Variants in PCDHB6 observed in about 807,000 individuals in gnomAD.
PCDHB6 encodes the protein protocadherin beta 6.
For missense variants in PCDHB6, 1,137 were observed against 1,010.1 expected (o/e 1.13, Z -1.70); for synonymous variants, 506 against 459.0 (o/e 1.10, Z -1.31).
Position 141,151,774 on chromosome 5 carries a change from C to G in PCDHB6, c.1517C>G (p.Ala506Gly), listed in dbSNP as rs202125595. 3.1e-5 allele frequency: 50 copies of G among 1,613,260 alleles called. 1 individual carries two copies. In the South Asian group the frequency reaches 4.9e-4, roughly 16 times the overall value. Residue 506 changes from alanine (A) to glycine (G), a missense_variant, in exon 1 of 1, where the codon GCG (alanine) becomes GGG (glycine). Ala to Gly is a moderately conservative substitution (Grantham distance 60). Transcript: ENST00000231136. ...CTCTCTTCCCTGGTCTCCATCAACG[C>G]GGACAACGGCCACCTGTTTGCCCTC... The part of the protein sequence containing the change: ...LPLSSLVSIN[A>G]DNGHLFALRS...
In PCDHB6 at chr5:141,152,293, C is replaced by T; in HGVS notation, c.2036C>T (p.Ala679Val). 1.9e-6 allele frequency: 3 copies of T among 1,608,616 alleles called. No homozygotes were observed. The highest frequency in any genetic ancestry group is 2.5e-6 in the Non-Finnish European group (3 of 1,179,806). The change falls in exon 1 of 1, where the codon GCC (alanine) becomes GTC (valine). Residue 679 changes from alanine to valine, a missense_variant. Coordinates refer to ENST00000231136, the MANE Select transcript of PCDHB6 (RefSeq NM_018939.4). ...CTCCCTGAGGCGGCCCCGGCCCAAGCCCAGGCCGACTCTCTCACCGTCTAC... is the reference window on the plus strand; with the variant it reads ...CTCCCTGAGGCGGCCCCGGCCCAAGTCCAGGCCGACTCTCTCACCGTCTAC... ...LPLPEAAPAQ[A>V]QADSLTVYLV...
chr5:141,151,881 G>A lies in PCDHB6; in HGVS notation c.1624G>A (p.Glu542Lys), dbSNP rs374444657. 6.2e-7 allele frequency: 1 copy of A among 1,612,030 alleles called. No homozygotes were observed. The highest frequency in any genetic ancestry group is 1.7e-5 in the Admixed American group (1 of 60,002). The change falls in exon 1 of 1, where the codon GAG becomes AAG. Residue 542 changes from glutamate to lysine, a missense_variant. Coordinates refer to ENST00000231136, the MANE Select transcript of PCDHB6 (RefSeq NM_018939.4). ...TDRGSPALSS[E>K]ALVRLLVLDA... ...CCGCGGCTCCCCGGCGTTGAGCAGC[G>A]AGGCGCTGGTGCGCTTGCTGGTGCT...
At position 141,151,475 on chromosome 5, in the gene PCDHB6, G is replaced by T. The variant is rs142222504; in HGVS notation, c.1218G>T (p.Ala406=). The T allele has an allele frequency of 1.7e-5, 28 of 1,614,012 alleles. No individual in the cohort carries two copies. The highest frequency in any genetic ancestry group is 3.3e-4 in the Middle Eastern group (2 of 6,084). ...TCTACACCCTGGTAACAGAAGGCGCGCTGGACAGAGAGAGCAGAGCCGAGT... is the reference window on the plus strand; with the variant it reads ...TCTACACCCTGGTAACAGAAGGCGCTCTGGACAGAGAGAGCAGAGCCGAGT... ...ENFYTLVTEG[A]LDRESRAEYN... Residue 406 remains alanine, a synonymous_variant, in exon 1 of 1, where the codon GCG becomes GCT. Transcript: ENST00000231136.
rs145057964 is a variant in PCDHB6, at chr5:141,151,885, C to T, written c.1628C>T (p.Ala543Val). The part of the protein sequence containing the change: ...DRGSPALSSE[A>V]LVRLLVLDAN... ...GGCTCCCCGGCGTTGAGCAGCGAGG[C>T]GCTGGTGCGCTTGCTGGTGCTGGAC... The change falls in exon 1 of 1, where the codon GCG becomes GTG. Residue 543 changes from alanine to valine, a missense_variant. Ala to Val is a moderately conservative substitution (Grantham distance 64). Coordinates refer to ENST00000231136, the MANE Select transcript of PCDHB6 (RefSeq NM_018939.4). 0.029 allele frequency: 46,432 copies of T among 1,611,988 alleles called. 802 individuals are homozygous for T. The highest frequency in any genetic ancestry group is 0.035 in the Non-Finnish European group (41,054 of 1,179,794).
In PCDHB6 at chr5:141,151,137, G is replaced by T. The variant is rs35620136; in HGVS notation, c.880G>T (p.Ala294Ser). The change falls in exon 1 of 1, where the codon GCA (alanine) becomes TCA (serine). Residue 294 changes from alanine to serine, a missense_variant. By Grantham distance (99) the Ala-to-Ser change is moderately conservative (BLOSUM62 1). Coordinates refer to ENST00000231136, the MANE Select transcript of PCDHB6 (RefSeq NM_018939.4). ...CGTCAACCAACCCTTCGAAATAAAC[G>T]CAATCACAGGAGAAATTCGGCTGAG... The part of the protein sequence containing the change: ...DDVNQPFEIN[A>S]ITGEIRLRKA... The T allele has an allele frequency of 0.025, 40,323 of 1,614,156 alleles. 909 individuals are homozygous for T. The highest frequency in any genetic ancestry group is 0.097 in the South Asian group (8,803 of 91,070).
rs1417569357 is a variant in PCDHB6 at position 141,151,497 on chromosome 5, G to C, written c.1240G>C (p.Glu414Gln). ...CGCGCTGGACAGAGAGAGCAGAGCC[G>C]AGTACAACATCACTATCACGGTCAC... Reference protein sequence around the residue: ...EGALDRESRAEYNITITVTDL... With the variant: ...EGALDRESRAQYNITITVTDL... The change falls in exon 1 of 1, where the codon GAG becomes CAG. Residue 414 changes from glutamate to glutamine, a missense_variant. By Grantham distance (29) the Glu-to-Gln change is conservative (BLOSUM62 2). Coordinates refer to ENST00000231136, the MANE Select transcript of PCDHB6 (RefSeq NM_018939.4). 2.5e-6 allele frequency: 4 copies of C among 1,614,178 alleles called. No homozygotes were observed. The highest frequency in any genetic ancestry group is 3.4e-6 in the Non-Finnish European group (4 of 1,180,028).
At position 141,152,544 on chromosome 5, in the gene PCDHB6, A is replaced by G. The variant is rs1563894740; in HGVS notation, c.2287A>G (p.Lys763Glu). Reference protein sequence around the residue: ...LTGGSETNEFKFLKPIMPNFP... With the variant: ...LTGGSETNEFEFLKPIMPNFP... ...GGGAGGCTCAGAAACAAATGAGTTCAAGTTCCTGAAGCCGATTATGCCCAA... is the reference window on the plus strand; with the variant it reads ...GGGAGGCTCAGAAACAAATGAGTTCGAGTTCCTGAAGCCGATTATGCCCAA... The change falls in exon 1 of 1, where the codon AAG becomes GAG. Residue 763 changes from lysine (K) to glutamate (E), a missense_variant. Transcript: ENST00000231136. 1.9e-6 allele frequency: 3 copies of G among 1,613,870 alleles called. No individual in the cohort carries two copies. In the South Asian group the frequency reaches 3.3e-5, roughly 18 times the overall value.
In PCDHB6 at chr5:141,151,962, C is replaced by A; in HGVS notation, c.1705C>A (p.Pro569Thr). The A allele has an allele frequency of 6.2e-7, 1 of 1,610,598 alleles. No individual in the cohort carries two copies. Among genetic ancestry groups the A allele is most frequent in the Non-Finnish European group, 8.5e-7 (1 of 1,179,674 alleles). Residue 569 changes from proline (P) to threonine (T), a missense_variant, in exon 1 of 1, where the codon CCC becomes ACC. By Grantham distance (38) the Pro-to-Thr change is conservative (BLOSUM62 -1). Coordinates refer to ENST00000231136, the MANE Select transcript of PCDHB6 (RefSeq NM_018939.4). ...VLYPLQNGSA[P>T]CTELVPRAAE... ...GTACCCGCTGCAGAACGGCTCCGCGCCCTGCACCGAGCTGGTGCCCCGGGC... is the reference window on the plus strand; with the variant it reads ...GTACCCGCTGCAGAACGGCTCCGCGACCTGCACCGAGCTGGTGCCCCGGGC...
In PCDHB6 at chr5:141,150,871, C is replaced by G; in HGVS notation, c.614C>G (p.Pro205Arg). 1 of 1,614,186 alleles carries G rather than the reference C, an allele frequency of 6.2e-7. No individual in the cohort carries two copies. Reference sequence around the variant, plus strand: ...AAACCGTTGGACCGCGAGGAGCAGCCCCAACTCAGGCTAACGCTGATCGCG... The same window carrying G: ...AAACCGTTGGACCGCGAGGAGCAGCGCCAACTCAGGCTAACGCTGATCGCG... ...LDKPLDREEQ[P>R]QLRLTLIALD... The change falls in exon 1 of 1, where the codon CCC becomes CGC. Residue 205 changes from proline (P) to arginine (R), a missense_variant. By Grantham distance (103) the Pro-to-Arg change is moderately radical. Transcript: ENST00000231136.
Position 141,151,717 on chromosome 5 carries a change from C to A in PCDHB6, c.1460C>A (p.Ser487Ter), listed in dbSNP as rs1752873749. Residue 487 changes from serine to a stop codon, truncating the protein, a stop_gained, in exon 1 of 1, where the codon TCG (serine) becomes TAG (stop). Coordinates refer to ENST00000231136, the MANE Select transcript of PCDHB6 (RefSeq NM_018939.4). LOFTEE classifies it low-confidence loss of function (END_TRUNC). ...DSGINAQVTY[S>*]LLPPQDPHLP... ...GGCATCAACGCCCAGGTCACCTACT[C>A]GCTGCTGCCGCCCCAGGACCCGCAC... is the stretch of plus-strand genomic sequence containing the variant. 3.7e-6 allele frequency: 6 copies of A among 1,613,154 alleles called. No homozygotes were observed. Among genetic ancestry groups the A allele is most frequent in the African/African-American group, 2.7e-5 (2 of 75,034 alleles).
chr5:141,150,269 T>A lies in PCDHB6; in HGVS notation c.12T>A (p.Thr4=). Reference sequence around the variant, plus strand: ...CAGACATAATAGACATGATGCAAACTAAAGTACAGAACAAGAAAAGGCAAG... The same window carrying A: ...CAGACATAATAGACATGATGCAAACAAAAGTACAGAACAAGAAAAGGCAAG... MMQ[T]KVQNKKRQVA... The change falls in exon 1 of 1, where the codon ACT becomes ACA. Residue 4 remains threonine, a synonymous_variant. Transcript: ENST00000231136. 1 of 1,611,104 alleles carries A rather than the reference T, an allele frequency of 6.2e-7. No homozygotes were observed. The highest frequency in any genetic ancestry group is 8.5e-7 in the Non-Finnish European group (1 of 1,177,890).
At position 141,150,383 on chromosome 5, in the gene PCDHB6, G is replaced by A; in HGVS notation, c.126G>A (p.Thr42=). ...TATTGGAGGAGACAGAAAGTGGCACGTTTGTGGCCAACTTGACAAAGGACC... is the reference window on the plus strand; with the variant it reads ...TATTGGAGGAGACAGAAAGTGGCACATTTGTGGCCAACTTGACAAAGGACC... ...YSVLEETESG[T]FVANLTKDLG... Residue 42 remains threonine, a synonymous_variant, in exon 1 of 1, where the codon ACG becomes ACA. Transcript: ENST00000231136. The A allele has an allele frequency of 1.2e-6, 2 of 1,614,152 alleles. No homozygotes were observed. The highest frequency in any genetic ancestry group is 1.7e-6 in the Non-Finnish European group (2 of 1,180,018).
Position 141,152,082 on chromosome 5 carries a change from G to C in PCDHB6, c.1825G>C (p.Glu609Gln), listed in dbSNP as rs1238666935. 6.2e-7 allele frequency: 1 copy of C among 1,607,012 alleles called. No individual in the cohort carries two copies. The highest frequency in any genetic ancestry group is 8.5e-7 in the Non-Finnish European group (1 of 1,179,656). Residue 609 changes from glutamate (E) to glutamine (Q), a missense_variant, in exon 1 of 1, where the codon GAG (glutamate) becomes CAG (glutamine). By Grantham distance (29) the Glu-to-Gln change is conservative (BLOSUM62 2). Coordinates refer to ENST00000231136, the MANE Select transcript of PCDHB6 (RefSeq NM_018939.4). ...GTCGTACCAGCTGCTCAAGGCCACG[G>C]AGCTCGGTCTGTTCGGCGTGTGGGC... The part of the protein sequence containing the change: ...WLSYQLLKAT[E>Q]LGLFGVWAHN...
In PCDHB6 at chr5:141,152,511, T is replaced by A. The variant is rs1563894663; in HGVS notation, c.2254T>A (p.Cys752Ser). The change falls in exon 1 of 1, where the codon TGT becomes AGT. Residue 752 changes from cysteine to serine, a missense_variant. Coordinates refer to ENST00000231136, the MANE Select transcript of PCDHB6 (RefSeq NM_018939.4). ...TLSQSYQYKV[C>S]LTGGSETNEF... ...ATCCCAGAGCTACCAGTACAAGGTG[T>A]GTCTGACGGGAGGCTCAGAAACAAA... is the stretch of plus-strand genomic sequence containing the variant. 1 of 1,614,050 alleles carries A rather than the reference T, an allele frequency of 6.2e-7. No individual in the cohort carries two copies. The highest frequency in any genetic ancestry group is 8.5e-7 in the Non-Finnish European group (1 of 1,180,032).
Position 141,150,138 on chromosome 5 carries a change from G to T in PCDHB6, c.-120G>T. 1 of 760,152 alleles carries T rather than the reference G, an allele frequency of 1.3e-6. No homozygotes were observed. Among genetic ancestry groups the T allele is most frequent in the Non-Finnish European group, 2.1e-6 (1 of 474,020 alleles). 47.1% of individuals were successfully genotyped at this position (760,152 alleles called of 1,614,324 possible). A position where few individuals can be genotyped will look rare whatever the true frequency, so the allele number is the denominator to read the frequency against. ...AGATGTGTCCGGGAAGGCAGTCGTC[G>T]CCAGACAAGTTGTAAGAACGAATTT... On this transcript the variant is annotated 5_prime_UTR_variant, in exon 1 of 1. Coordinates refer to ENST00000231136, the MANE Select transcript of PCDHB6 (RefSeq NM_018939.4).
chr5:141,152,897 T>TC lies in PCDHB6; in HGVS notation c.*264dup, dbSNP rs33915713. The TC allele has an allele frequency of 0.3, 62,906 of 211,780 alleles. 9,481 individuals carry two copies. The highest frequency in any genetic ancestry group is 0.39 in the East Asian group (2,870 of 7,416). The allele number at this position is 211,780 out of a possible 1,614,324, so 13.1% of individuals were successfully genotyped here. On this transcript the variant is annotated 3_prime_UTR_variant, in exon 1 of 1. Transcript: ENST00000231136. ...CTTTTGAAATTAAATTATCTATTCT[T>TC]CCCCCCCCCAAAAAAAAGTATTGTA...
At position 141,151,262 on chromosome 5, in the gene PCDHB6, C is replaced by A. The variant is rs1554277638; in HGVS notation, c.1005C>A (p.Val335=). The change falls in exon 1 of 1, where the codon GTC becomes GTA. Residue 335 remains valine (V), a synonymous_variant. Coordinates refer to ENST00000231136, the MANE Select transcript of PCDHB6 (RefSeq NM_018939.4). The stretch of plus-strand genomic sequence containing the variant: ...GAAAATGCTCTTTAGTCGTCAGGGT[C>A]CTGGACGTGAATGACAATGCCCCTG... ...LSGKCSLVVR[V]LDVNDNAPEL... is the part of the protein sequence containing the mutation. The A allele has an allele frequency of 6.2e-7, 1 of 1,614,120 alleles. No homozygotes were observed. Among genetic ancestry groups the A allele is most frequent in the Non-Finnish European group, 8.5e-7 (1 of 1,180,038 alleles).
Position 141,150,541 on chromosome 5 carries a change from G to A in PCDHB6, c.284G>A (p.Cys95Tyr). The part of the protein sequence containing the change: ...LNEKLDREEL[C>Y]GSTEPCVLPF... The stretch of plus-strand genomic sequence containing the variant: ...GAAAAACTGGACCGGGAGGAGCTGT[G>A]TGGCTCCACTGAGCCGTGTGTGCTA... Residue 95 changes from cysteine (C) to tyrosine (Y), a missense_variant, in exon 1 of 1, where the codon TGT (cysteine) becomes TAT (tyrosine). Cys to Tyr is a radical substitution (Grantham distance 194). Coordinates refer to ENST00000231136, the MANE Select transcript of PCDHB6 (RefSeq NM_018939.4). The A allele has an allele frequency of 6.2e-7, 1 of 1,614,072 alleles. No individual in the cohort carries two copies. The highest frequency in any genetic ancestry group is 8.5e-7 in the Non-Finnish European group (1 of 1,179,956).
rs1752914402 is a variant in PCDHB6, at chr5:141,152,519, G to C, written c.2262G>C (p.Thr754=). The part of the protein sequence containing the change: ...SQSYQYKVCL[T]GGSETNEFKF... ...GCTACCAGTACAAGGTGTGTCTGAC[G>C]GGAGGCTCAGAAACAAATGAGTTCA... The change falls in exon 1 of 1, where the codon ACG becomes ACC. Residue 754 remains threonine (T), a synonymous_variant. Transcript: ENST00000231136. The C allele has an allele frequency of 6.2e-7, 1 of 1,614,076 alleles. No individual in the cohort carries two copies. Among genetic ancestry groups the C allele is most frequent in the Non-Finnish European group, 8.5e-7 (1 of 1,180,024 alleles).
Sources: allele counts gnomAD v4.1 joint callset, GRCh38; gene constraint gnomAD v4.1.1; transcripts MANE v1.5; gene names NCBI Gene and HGNC (gene_info 2026-07-23, HGNC 2026-07-21).